MYLIP: variants seen among roughly 807,000 people sequenced by gnomAD.
MYLIP encodes the protein myosin regulatory light chain interacting protein.
A neutral mutation model predicts 45.8 loss-of-function variants in MYLIP; 26 were observed. The ratio of observed to expected loss-of-function variants is 0.57; its 90% CI spans 0.42 to 0.79. MYLIP has a LOEUF of 0.79. Ranked by LOEUF, MYLIP falls within the 30% of genes least tolerant of loss-of-function variation. MYLIP has a pLI of 0.00. For synonymous variants in MYLIP, 213 were observed against 218.1 expected (o/e 0.98, Z 0.21); for missense variants, 494 against 555.6 (o/e 0.89, Z 1.11).
At chr6:16,134,478 C>T (rs1157906599) in intron 2 of MYLIP, among the ~76,000 whole-genome samples, 4 of 152,248 alleles carry the variant, frequency 2.6e-5, no homozygotes, top group Non-Finnish European at 5.9e-5. Context: ...TTCACCCCCT[C>T]TACACCATCC....
chr6:16,161,693 A>G, the MYLIP span, among the ~76,000 whole-genome samples: 3 of 152,236 alleles, frequency 2.0e-5, no homozygotes, highest in Non-Finnish European at 4.4e-5. Context: ...TTAGAGTTTC[A>G]TGTTCATTTT....
chr6:16,130,412 G>C (rs1333775010), intron 1 of MYLIP, 145 bp from the exon 2 acceptor site: 3 of 734,830 alleles, frequency 4.1e-6, no homozygotes, highest in African/African-American at 3.5e-5. Flanking sequence ...TGGAGCCGTG[G>C]AACTTTGTTT....
At chr6:16,131,368 T>C (rs906073145) in intron 2 of MYLIP, among the ~76,000 whole-genome samples, 12 of 152,366 alleles carry the variant, frequency 7.9e-5, no homozygotes, top group African/African-American at 2.4e-4. Flanking sequence ...TTGGTGAGTA[T>C]AGATTGAATT....
At chr6:16,137,699 G>C (rs897011964) in intron 2 of MYLIP, among the ~76,000 whole-genome samples, 4 of 152,054 alleles carry the variant, frequency 2.6e-5, no homozygotes, top group Non-Finnish European at 4.4e-5. Context: ...ACAAGCCTGT[G>C]TTTAGAGGAA....
In MYLIP at chr6:16,147,339, G is replaced by A. The variant is rs1313668073; in HGVS notation, c.*588G>A. 1 of 153,500 alleles carries A rather than the reference G, an allele frequency of 6.5e-6. No homozygotes were observed. The allele number at this position is 153,500 out of a possible 1,614,324, so 9.5% of individuals were successfully genotyped here. The stretch of plus-strand genomic sequence containing the variant: ...TGACTTTTAAAAAGTTGACAATGTT[G>A]TCAGATTTAAACCAGTGTGGCTAGT... On this transcript the variant is annotated 3_prime_UTR_variant, in exon 7 of 7. Transcript: ENST00000356840.
the MYLIP span, among the ~76,000 whole-genome samples, chr6:16,158,594 GCT>G: frequency 6.6e-6 from 1 of 152,202 alleles, no homozygotes; most frequent in Non-Finnish European, 1.5e-5. Flanking sequence ...TTCTAGGTCA[GCT>G]CTTTCACAAA....
intron 2 of MYLIP, among the ~76,000 whole-genome samples, chr6:16,131,883 G>T (rs1759466583): frequency 6.6e-6 from 1 of 152,160 alleles, no homozygotes; most frequent in Non-Finnish European, 1.5e-5. Context: ...AATGAAGATG[G>T]TATATTGAGT....
intron 5 of MYLIP, among the ~76,000 whole-genome samples, chr6:16,144,225 A>C (rs1024184930): frequency 5.9e-5 from 9 of 152,074 alleles, no homozygotes; most frequent in African/African-American, 2.2e-4. Context: ...AACTGGGAGG[A>C]TAATTATTTA....
At position 16,141,619 on chromosome 6, in the gene MYLIP, T is replaced by G. The variant is rs746153632; in HGVS notation, c.279-6T>G. ...AGCATAACCTCACTCTCACCTTGCT[T>G]TGCAGGCATATCTTTTTCTTGCACA... On this transcript the variant is annotated splice_polypyrimidine_tract_variant and splice_region_variant and intron_variant, in intron 2 of 6. Coordinates refer to ENST00000356840, the MANE Select transcript of MYLIP (RefSeq NM_013262.4). 4.3e-6 allele frequency: 7 copies of G among 1,609,960 alleles called. No homozygotes were observed. Among genetic ancestry groups the G allele is most frequent in the Non-Finnish European group, 5.9e-6 (7 of 1,176,940 alleles).
the MYLIP span, among the ~76,000 whole-genome samples, chr6:16,163,075 A>G: frequency 2.1e-4 from 32 of 152,292 alleles, no homozygotes; most frequent in African/African-American, 7.7e-4. Flanking sequence ...GGAAAGATCT[A>G]GGTCATCCTG....
the MYLIP span, among the ~76,000 whole-genome samples, chr6:16,159,069 T>C: frequency 1.7e-4 from 26 of 152,306 alleles, no homozygotes; most frequent in South Asian, 4.6e-3. Flanking sequence ...TCTGAGACAA[T>C]GGGGCTTATT....
At chr6:16,135,005 A>T (rs1030026621) in intron 2 of MYLIP, among the ~76,000 whole-genome samples, 5 of 152,214 alleles carry the variant, frequency 3.3e-5, no homozygotes, top group African/African-American at 1.2e-4. Flanking sequence ...CAAGGTGACC[A>T]GTGTTGAGCA....
chr6:16,136,472 C>A (rs1759558357), intron 2 of MYLIP, among the ~76,000 whole-genome samples: 1 of 152,126 alleles, frequency 6.6e-6, no homozygotes, highest in Non-Finnish European at 1.5e-5. Flanking sequence ...GTTTGTTTAT[C>A]CGTACTCCTA....
At chr6:16,152,033 A>G (rs1321231350), downstream of MYLIP, among the ~76,000 whole-genome samples, 2 of 152,230 alleles carry the variant, frequency 1.3e-5, no homozygotes, top group Non-Finnish European at 2.9e-5. Flanking sequence ...TGAATGGAGG[A>G]GGACTTCTTA....
At chr6:16,146,000 T>C (rs1759782282) in intron 6 of MYLIP, among the ~76,000 whole-genome samples, 1 of 152,242 alleles carries the variant, frequency 6.6e-6, no homozygotes. Context: ...TAAAACTGGT[T>C]CTAGATAATA....
chr6:16,129,622 T>TCCCCAGCGCTGAGGGC lies in MYLIP; in HGVS notation c.87+215_87+230dup, dbSNP rs1456735787. Among the ~76,000 whole-genome samples, 2 of 151,782 alleles carry TCCCCAGCGCTGAGGGC rather than the reference T, an allele frequency of 1.3e-5. No homozygotes were observed. On this transcript the variant is annotated intron_variant, in intron 1 of 6. Transcript: ENST00000356840. The surrounding 1 kb of genome is among the most constrained non-coding windows in gnomAD (Gnocchi z 5.1). The stretch of plus-strand genomic sequence containing the variant: ...GCGCGGAGAAAGCGCGCAGCGGGGG[T>TCCCCAGCGCTGAGGGC]CCCCAGCGCTGAGGGCCGGGCGCAG...
At chr6:16,152,661 A>C (rs1286438704), downstream of MYLIP, among the ~76,000 whole-genome samples, 3 of 152,160 alleles carry the variant, frequency 2.0e-5, no homozygotes, top group Admixed American at 6.5e-5. Flanking sequence ...GGAAGCTGTA[A>C]ACTAATAATT....
At chr6:16,141,414 T>G in intron 2 of MYLIP, 1 of 426,020 alleles carries the variant, frequency 2.3e-6, no homozygotes, top group South Asian at 5.8e-5. Flanking sequence ...TTATCTTGTT[T>G]GGGTCACAAC....
chr6:16,148,087 A>G lies in MYLIP; in HGVS notation c.*1336A>G, dbSNP rs1759832596. 6.6e-6 allele frequency: 1 copy of G among 152,660 alleles called. No individual in the cohort carries two copies. The highest frequency in any genetic ancestry group is 1.5e-5 in the Non-Finnish European group (1 of 68,048). 9.5% of individuals were successfully genotyped at this position (152,660 alleles called of 1,614,324 possible). A position where few individuals can be genotyped will look rare whatever the true frequency, so the allele number is the denominator to read the frequency against. On this transcript the variant is annotated 3_prime_UTR_variant, in exon 7 of 7. Coordinates refer to ENST00000356840, the MANE Select transcript of MYLIP (RefSeq NM_013262.4). ...TTGCACAGACATTTTGTCAAATATT[A>G]AAACTCTACTTTTTTATGGCACATA... is the stretch of plus-strand genomic sequence containing the variant.
Sources: gnomAD v4.1 joint callset for allele counts (sites outside exome capture counted in the v4.1 genomes callset) on GRCh38, gnomAD v4.1.1 for gene constraint, Gnocchi (gnomAD v3.1) non-coding constraint, MANE v1.5 for transcripts, NCBI Gene and HGNC (gene_info 2026-07-23, HGNC 2026-07-21) for gene names.